Variants in PDSS1 observed in about 807,000 individuals in gnomAD.
The protein encoded by PDSS1 is decaprenyl diphosphate synthase subunit 1, also known as all trans-polyprenyl-diphosphate synthase PDSS1.
In PDSS1, 43 loss-of-function variants were observed where a neutral mutation model predicts 57.5. That is an observed-to-expected ratio of 0.75 (90% CI 0.59 to 0.96). The LOEUF is 0.96. PDSS1 is among the 50% of genes least tolerant of loss of function. PDSS1 has a pLI of 0.00. For synonymous variants in PDSS1, 175 were observed against 191.3 expected, an observed-to-expected ratio of 0.91 and a Z score of 0.70; for missense variants, 438 against 527.8, an observed-to-expected ratio of 0.83 and a Z score of 1.67.
intron 2 of PDSS1, among the ~76,000 whole-genome samples, chr10:26,703,997 C>T (rs1440031954): frequency 6.9e-6 from 1 of 145,700 alleles, no homozygotes; most frequent in African/African-American, 2.5e-5. Context: ...AGGAGAATGG[C>T]GTGAACCCTG....
rs1053303774 is a variant in PDSS1 at position 26,735,414 on chromosome 10, C to T, written c.913-52C>T. On this transcript the variant is annotated intron_variant, in intron 9 of 11. Transcript: ENST00000376215. ...ATCGTCAAAATAGTAAGAACGATGG[C>T]AGCAGTGTTGGCATGGCGGTGCTCC... 4.8e-5 allele frequency: 67 copies of T among 1,391,312 alleles called. 1 individual carries two copies. The East Asian group carries it at 1.5e-3, about 30-fold the overall frequency. The allele number at this position is 1,391,312 out of a possible 1,614,324, so 86.2% of individuals were successfully genotyped here. A position where few individuals can be genotyped will look rare whatever the true frequency, so the allele number is the denominator to read the frequency against.
chr10:26,710,049 G>C (rs1835373662), intron 5 of PDSS1, among the ~76,000 whole-genome samples: 1 of 151,556 alleles, frequency 6.6e-6, no homozygotes, highest in African/African-American at 2.4e-5. Context: ...AGCTACTTGG[G>C]AGGCTGAGGC....
chr10:26,703,257 G>A (rs552932267), intron 2 of PDSS1, among the ~76,000 whole-genome samples: 2 of 152,290 alleles, frequency 1.3e-5, no homozygotes, highest in East Asian at 1.9e-4. Context: ...TTAATTAGCT[G>A]TGTAATTTTA....
rs201209104 is a variant in PDSS1, at chr10:26,702,139, G to A, written c.130-23G>A. The A allele has an allele frequency of 1.5e-4, 9 of 59,890 alleles. 1 individual carries two copies. Among genetic ancestry groups the A allele is most frequent in the Admixed American group, 2.9e-4 (2 of 6,868 alleles). The allele number at this position is 59,890 out of a possible 1,614,324, so 3.7% of individuals were successfully genotyped here. A position where few individuals can be genotyped will look rare whatever the true frequency, so the allele number is the denominator to read the frequency against. On this transcript the variant is annotated intron_variant, in intron 1 of 11. Coordinates refer to ENST00000376215, the MANE Select transcript of PDSS1 (RefSeq NM_014317.5). ...ACTCCCATTGTATCTTGGATGTAAC[G>A]TAACTTGTTTTTGATTTTACAGGTT...
chr10:26,731,094 C>T (rs1167351949), intron 8 of PDSS1, among the ~76,000 whole-genome samples: 1 of 152,180 alleles, frequency 6.6e-6, no homozygotes, highest in Non-Finnish European at 1.5e-5. Context: ...GTAATCCCAG[C>T]ACTTTGGGAG....
At chr10:26,728,772 ATCTTTTTTT>A (rs1347728752) in intron 8 of PDSS1, among the ~76,000 whole-genome samples, 1,650 of 79,184 alleles carry the variant, frequency 0.021, 29 homozygotes, top group African/African-American at 0.073. Flanking sequence ...TTTATTCTGT[ATCTTTTTTT>A]TTTTTTTTTT....
chr10:26,720,295 T>C lies in PDSS1; in HGVS notation c.545T>C (p.Val182Ala), dbSNP rs771418338. 3 of 1,614,144 alleles carry C rather than the reference T, an allele frequency of 1.9e-6. No individual in the cohort carries two copies. In the South Asian group the frequency reaches 3.3e-5, roughly 18 times the overall value. Residue 182 changes from valine to alanine, a missense_variant, in exon 6 of 12, where the codon GTT (valine) becomes GCT (alanine). This residue lies in a region of PDSS1 where 284 missense variants were observed against 390.7 expected (regional missense o/e 0.73). Coordinates refer to ENST00000376215, the MANE Select transcript of PDSS1 (RefSeq NM_014317.5). The stretch of plus-strand genomic sequence containing the variant: ...ACTGCTAGTCTGGTTCACGATGACG[T>C]TATTGACGATGCAAGTTCTCGAAGA... Reference protein sequence around the residue: ...IHTASLVHDDVIDDASSRRGK... With the variant: ...IHTASLVHDDAIDDASSRRGK...
At chr10:26,720,164 G>T (rs1409427584) in intron 5 of PDSS1, 54 bp from the exon 6 acceptor site, 2 of 1,610,472 alleles carry the variant, frequency 1.2e-6, no homozygotes, top group Non-Finnish European at 1.7e-6. Context: ...CAAGCTGATT[G>T]CTGAGAAGGT....
intron 6 of PDSS1, among the ~76,000 whole-genome samples, chr10:26,721,503 A>G (rs925094714): frequency 2.6e-5 from 4 of 152,108 alleles, no homozygotes; most frequent in African/African-American, 7.2e-5. Flanking sequence ...ATTTGAACAT[A>G]AATGACTGTT....
intron 6 of PDSS1, among the ~76,000 whole-genome samples, chr10:26,720,959 A>G (rs1006653585): frequency 3.3e-5 from 5 of 152,170 alleles, no homozygotes; most frequent in Non-Finnish European, 7.3e-5. Context: ...ACAGATGAGA[A>G]TGAAAATGCA....
rs1274217643 is a variant in PDSS1, at chr10:26,746,693, A to C, written c.*220A>C. 1.9e-6 allele frequency: 1 copy of C among 534,298 alleles called. No individual in the cohort carries two copies. Among genetic ancestry groups the C allele is most frequent in the African/African-American group, 1.9e-5 (1 of 52,752 alleles). The allele number at this position is 534,298 out of a possible 1,614,324, so 33.1% of individuals were successfully genotyped here. A position where few individuals can be genotyped will look rare whatever the true frequency, so the allele number is the denominator to read the frequency against. ...CCTGAATCTGTCATTCTAGTCCTAT[A>C]AATTATAATCAAGGTATCTTGATGG... On this transcript the variant is annotated 3_prime_UTR_variant, in exon 12 of 12. Transcript: ENST00000376215.
In PDSS1 at chr10:26,697,719, C is replaced by T. The variant is rs775269667; in HGVS notation, c.8C>T (p.Ser3Leu). The change falls in exon 1 of 12, where the codon TCG (serine) becomes TTG (leucine). Residue 3 changes from serine to leucine, a missense_variant. Physicochemically the swap from Ser to Leu is moderately radical, Grantham distance 145. This residue lies in a region of PDSS1 where 154 missense variants were observed against 137.0 expected (regional missense o/e 1.12). Coordinates refer to ENST00000376215, the MANE Select transcript of PDSS1 (RefSeq NM_014317.5). MA[S>L]RWWRWRRGCS... ...GACTTTCAGACTCCGACCATGGCCT[C>T]GCGCTGGTGGCGGTGGCGGCGCGGC... 4.6e-5 allele frequency: 60 copies of T among 1,297,122 alleles called. No individual in the cohort carries two copies. The highest frequency in any genetic ancestry group is 5.5e-5 in the Non-Finnish European group (56 of 1,026,680). 80.4% of individuals were successfully genotyped at this position (1,297,122 alleles called of 1,614,324 possible). A position where few individuals can be genotyped will look rare whatever the true frequency, so the allele number is the denominator to read the frequency against.
chr10:26,697,765 G>C lies in PDSS1; in HGVS notation c.54G>C (p.Ala18=). The part of the protein sequence containing the change: ...WRRGCSWKPA[A]RSPGPGSPGR... ...GCGGCTGCTCCTGGAAGCCGGCGGC[G>C]CGGAGCCCCGGGCCCGGCTCCCCCG... The change falls in exon 1 of 12, where the codon GCG becomes GCC. Residue 18 remains alanine, a synonymous_variant. Coordinates refer to ENST00000376215, the MANE Select transcript of PDSS1 (RefSeq NM_014317.5). The C allele has an allele frequency of 7.7e-7, 1 of 1,291,480 alleles. No individual in the cohort carries two copies. The highest frequency in any genetic ancestry group is 3.2e-5 in the East Asian group (1 of 31,720). The allele number at this position is 1,291,480 out of a possible 1,614,324, so 80.0% of individuals were successfully genotyped here.
chr10:26,728,832 G>A (rs917435014), intron 8 of PDSS1, among the ~76,000 whole-genome samples: 8 of 133,368 alleles, frequency 6.0e-5, no homozygotes, highest in Admixed American at 1.7e-4. Flanking sequence ...ACGCTGGAGT[G>A]CAGTGGTGCA....
chr10:26,720,378 T>C lies in PDSS1; in HGVS notation c.609+19T>C. The C allele has an allele frequency of 6.5e-7, 1 of 1,532,806 alleles. No homozygotes were observed. Among genetic ancestry groups the C allele is most frequent in the Non-Finnish European group, 9.0e-7 (1 of 1,105,508 alleles). The allele number at this position is 1,532,806 out of a possible 1,614,324, so 95.0% of individuals were successfully genotyped here. A position where few individuals can be genotyped will look rare whatever the true frequency, so the allele number is the denominator to read the frequency against. On this transcript the variant is annotated intron_variant, in intron 6 of 11. Coordinates refer to ENST00000376215, the MANE Select transcript of PDSS1 (RefSeq NM_014317.5). ...AAAGAAGGTATGGTTTTTTGGTTTT[T>C]TTAAAATCTCTCTTACTGAATCACA...
At chr10:26,744,125 C>G (rs771578988) in intron 11 of PDSS1, among the ~76,000 whole-genome samples, 2 of 152,096 alleles carry the variant, frequency 1.3e-5, no homozygotes, top group African/African-American at 2.4e-5. Flanking sequence ...CTACAAGGAC[C>G]AGTACCATCA....
chr10:26,735,198 T>G, intron 8 of PDSS1, 42 bp from the exon 9 acceptor site: 1 of 1,425,216 alleles, frequency 7.0e-7, no homozygotes, highest in Non-Finnish European at 9.9e-7. Context: ...GCTTTGTTGC[T>G]GCCTGGAAGC....
chr10:26,746,781 C>A lies in PDSS1; in HGVS notation c.*308C>A. On this transcript the variant is annotated 3_prime_UTR_variant, in exon 12 of 12. Coordinates refer to ENST00000376215, the MANE Select transcript of PDSS1 (RefSeq NM_014317.5). The stretch of plus-strand genomic sequence containing the variant: ...GTAAGGCCATTACACAAATAAATAA[C>A]CAATGTTAAAATTCAAATGGTTTGT... 1 of 408,112 alleles carries A rather than the reference C, an allele frequency of 2.5e-6. No homozygotes were observed. The highest frequency in any genetic ancestry group is 4.6e-6 in the Non-Finnish European group (1 of 218,876). The allele number at this position is 408,112 out of a possible 1,614,324, so 25.3% of individuals were successfully genotyped here.
chr10:26,707,643 T>G (rs1835281340), intron 4 of PDSS1, among the ~76,000 whole-genome samples: 1 of 152,156 alleles, frequency 6.6e-6, no homozygotes, highest in Non-Finnish European at 1.5e-5. Flanking sequence ...TTCCTTTAAT[T>G]TTGCCATTCC....
Sources: allele counts gnomAD v4.1 joint callset (sites outside exome capture counted in the v4.1 genomes callset), GRCh38; gene constraint gnomAD v4.1.1; regional missense constraint gnomAD v4.1.1; transcripts MANE v1.5; gene names NCBI Gene and HGNC (gene_info 2026-07-23, HGNC 2026-07-21).